Variants in TRHDE observed in about 807,000 individuals in gnomAD.
TRHDE encodes the protein thyrotropin-releasing hormone-degrading ectoenzyme.
In TRHDE, 72 loss-of-function variants were observed where a neutral mutation model predicts 125.7. The observed-to-expected ratio is 0.57, with a 90% CI of 0.47 to 0.70. The LOEUF (loss-of-function observed/expected upper bound fraction) is 0.70. TRHDE is among the 30% of genes least tolerant of loss of function. The pLI, the probability that TRHDE is intolerant of heterozygous loss-of-function variation, is 0.00. For synonymous variants in TRHDE, 509 were observed against 509.1 expected, an observed-to-expected ratio of 1.00 and a Z score of 0.00; for missense variants, 1,110 against 1,327.1, an observed-to-expected ratio of 0.84 and a Z score of 2.54.
intron 1 of TRHDE, chr12:72,274,700 C>T (rs1239167650): frequency 6.6e-6 from 1 of 152,160 alleles, no homozygotes; most frequent in Non-Finnish European, 1.5e-5. Context: ...CGGATTTAGA[C>T]CCAGGGAGTC....
At chr12:72,653,667 G>T (rs1435955562) in intron 17 of TRHDE, among the ~76,000 whole-genome samples, 1 of 151,870 alleles carries the variant, frequency 6.6e-6, no homozygotes, top group Non-Finnish European at 1.5e-5. Context: ...TTACTCCCAG[G>T]ACATCTTGTT....
intron 2 of TRHDE, among the ~76,000 whole-genome samples, chr12:72,342,108 A>G (rs761974741): frequency 2.5e-4 from 38 of 152,132 alleles, no homozygotes; most frequent in Admixed American, 2.0e-4. Context: ...TTGGAGCTCA[A>G]TTAGAGAAAG....
chr12:72,169,038 T>G (rs1007204074), intron 2 of TRHDE, among the ~76,000 whole-genome samples: 1 of 152,214 alleles, frequency 6.6e-6, no homozygotes, highest in South Asian at 2.1e-4. Context: ...GCAAGCTATA[T>G]AACCATGCCT....
At chr12:72,139,689 A>G (rs1364813141) in intron 2 of TRHDE, among the ~76,000 whole-genome samples, 1 of 152,222 alleles carries the variant, frequency 6.6e-6, no homozygotes, top group Non-Finnish European at 1.5e-5. Context: ...AGCACTGTGC[A>G]TTCTAAAGTA....
intron 3 of TRHDE, among the ~76,000 whole-genome samples, chr12:72,447,083 G>T (rs1339397872): frequency 6.6e-6 from 1 of 151,990 alleles, no homozygotes; most frequent in Non-Finnish European, 1.5e-5. Flanking sequence ...GCACTGCATC[G>T]CACTTATTCC....
At chr12:72,650,746 T>G (rs907420244) in intron 15 of TRHDE, among the ~76,000 whole-genome samples, 1 of 152,108 alleles carries the variant, frequency 6.6e-6, no homozygotes, top group African/African-American at 2.4e-5. Context: ...AGGGCAATAA[T>G]GCACTGTTGT....
At chr12:72,401,530 T>C (rs940288621) in intron 3 of TRHDE, among the ~76,000 whole-genome samples, 2 of 152,210 alleles carry the variant, frequency 1.3e-5, no homozygotes, top group Admixed American at 6.5e-5. Flanking sequence ...ACACTGGCAA[T>C]TGACAATTTA....
At chr12:72,287,960 T>C (rs80282442) in intron 2 of TRHDE, among the ~76,000 whole-genome samples, 1 of 150,404 alleles carries the variant, frequency 6.6e-6, no homozygotes, top group South Asian at 2.1e-4. Context: ...TTTTTTTTTT[T>C]CAAATGAGTA....
intron 2 of TRHDE, among the ~76,000 whole-genome samples, chr12:72,164,739 A>T (rs112586001): frequency 9.9e-5 from 15 of 152,266 alleles, no homozygotes; most frequent in African/African-American, 3.4e-4. Context: ...TCACTTAACA[A>T]CACTTTCCTC....
intron 3 of TRHDE, among the ~76,000 whole-genome samples, chr12:72,436,877 C>A (rs1379005306): frequency 1.3e-5 from 2 of 151,828 alleles, no homozygotes; most frequent in Non-Finnish European, 2.9e-5. Context: ...GATCCTAGAA[C>A]ATTACAGCAA....
At chr12:72,445,937 G>A (rs1875255852) in intron 3 of TRHDE, among the ~76,000 whole-genome samples, 1 of 151,792 alleles carries the variant, frequency 6.6e-6, no homozygotes, top group African/African-American at 2.4e-5. Flanking sequence ...GGTTGGTTAG[G>A]GATGAAGGTT....
At chr12:72,113,150 TG>T (rs1875359360) in intron 2 of TRHDE, among the ~76,000 whole-genome samples, 1 of 152,104 alleles carries the variant, frequency 6.6e-6, no homozygotes, top group Non-Finnish European at 1.5e-5. Context: ...CCCTAGTAGC[TG>T]GGACTACAGG....
At chr12:72,605,529 A>C (rs1174006329) in intron 12 of TRHDE, among the ~76,000 whole-genome samples, 1 of 152,150 alleles carries the variant, frequency 6.6e-6, no homozygotes, top group Non-Finnish European at 1.5e-5. Context: ...AGTGTTTTCT[A>C]TACAAAGAAT....
In TRHDE at chr12:72,586,007, G is replaced by T. The variant is rs189139322; in HGVS notation, c.2321+10465G>T. Among the ~76,000 whole-genome samples the T allele has an allele frequency of 1.5e-4, 23 of 152,220 alleles. 1 individual carries two copies. The highest frequency in any genetic ancestry group is 5.3e-4 in the African/African-American group (22 of 41,552). On this transcript the variant is annotated intron_variant, in intron 12 of 18. Coordinates refer to ENST00000261180, the MANE Select transcript of TRHDE (RefSeq NM_013381.3). ...CCCACCTCAGAACAAAGAGTCAGAG[G>T]AGCCTTCTGATAATCATCTTTCTTA...
At chr12:72,272,162 G>A (rs1879243036), upstream of TRHDE, 2 of 456,946 alleles carry the variant, frequency 4.4e-6, no homozygotes, top group African/African-American at 2.0e-5. This position sits in a 1 kb window ranked among gnomAD's most constrained non-coding sequence, Gnocchi z 6.7. Context: ...GAACGCCGCC[G>A]CTGGAGTGGG....
At chr12:72,516,779 G>A (rs536304662) in intron 6 of TRHDE, among the ~76,000 whole-genome samples, 2,628 of 152,120 alleles carry the variant, frequency 0.017, 35 homozygotes, top group Non-Finnish European at 0.031. Flanking sequence ...TTGGCTGTGG[G>A]TCTGTCATAG....
At chr12:72,527,190 G>A (rs1459995600) in intron 6 of TRHDE, among the ~76,000 whole-genome samples, 1 of 152,132 alleles carries the variant, frequency 6.6e-6, no homozygotes, top group Non-Finnish European at 1.5e-5. Flanking sequence ...AAAATACTGG[G>A]TTTTGCAGAG....
At chr12:72,384,937 T>A (rs1296560776) in intron 3 of TRHDE, among the ~76,000 whole-genome samples, 1 of 152,090 alleles carries the variant, frequency 6.6e-6, no homozygotes, top group East Asian at 1.9e-4. Flanking sequence ...TTATGTGTTT[T>A]TGTCTTTAGT....
At chr12:72,203,374 A>G (rs1159389009) in intron 2 of TRHDE, among the ~76,000 whole-genome samples, 1 of 152,208 alleles carries the variant, frequency 6.6e-6, no homozygotes, top group Admixed American at 6.5e-5. Context: ...TGGCTGAGGC[A>G]GGAGAATGGC....
Sources: gnomAD v4.1 joint callset for allele counts (sites outside exome capture counted in the v4.1 genomes callset) on GRCh38, gnomAD v4.1.1 for gene constraint, Gnocchi (gnomAD v3.1) non-coding constraint, MANE v1.5 for transcripts, NCBI Gene and HGNC (gene_info 2026-07-23, HGNC 2026-07-21) for gene names.